The following WDR7 variants were observed in gnomAD, a reference collection of about 807,000 sequenced individuals.
The protein encoded by WDR7 is WD repeat-containing protein 7.
WDR7 carries 46 observed loss-of-function variants against 169.4 expected under a neutral mutation model. The observed-to-expected ratio is 0.27, with a 90% CI of 0.21 to 0.35. WDR7 has a LOEUF of 0.35. Among genes scored for constraint, WDR7 ranks in the 10% least tolerant of loss-of-function variants. WDR7 has a pLI of 1.00. For synonymous variants in WDR7, 612 were observed against 666.8 expected (o/e 0.92, Z 1.27); for missense variants, 1,534 against 1,859.3 (o/e 0.83, Z 3.22).
intron 13 of WDR7, among the ~76,000 whole-genome samples, chr18:56,727,975 C>T (rs2026497413): frequency 1.3e-5 from 2 of 152,112 alleles, no homozygotes; most frequent in Admixed American, 1.3e-4. Flanking sequence ...TAAAATAATT[C>T]CTTAGTTCTT....
At position 56,694,977 on chromosome 18, in the gene WDR7, T is replaced by G; in HGVS notation, c.1136T>G (p.Leu379Trp). 6.2e-7 allele frequency: 1 copy of G among 1,614,170 alleles called. No homozygotes were observed. Among genetic ancestry groups the G allele is most frequent in the Non-Finnish European group, 8.5e-7 (1 of 1,179,984 alleles). Residue 379 changes from leucine to tryptophan, a missense_variant, in exon 11 of 28, where the codon TTG becomes TGG. By Grantham distance (61) the Leu-to-Trp change is moderately conservative (BLOSUM62 -2). Coordinates refer to ENST00000254442, the MANE Select transcript of WDR7 (RefSeq NM_015285.3). ...CTGGCAATGACAACTTCTATTAGTT[T>G]GCAAGAGGCATTTGATAAACTGAAT... ...EGLAMTTSISLQEAFDKLNPC... is the reference protein window; with the variant it reads ...EGLAMTTSISWQEAFDKLNPC...
chr18:56,984,844 T>A (rs1261200027), intron 26 of WDR7, among the ~76,000 whole-genome samples: 1 of 152,146 alleles, frequency 6.6e-6, no homozygotes, highest in Non-Finnish European at 1.5e-5. Context: ...ACAGCAGCCA[T>A]AGCGTACTGT....
intron 25 of WDR7, among the ~76,000 whole-genome samples, chr18:56,949,872 A>G (rs1448072074): frequency 6.6e-6 from 1 of 152,192 alleles, no homozygotes; most frequent in Non-Finnish European, 1.5e-5. Flanking sequence ...ACATTTGCTA[A>G]TATTACTGCT....
chr18:56,849,604 A>G (rs1285901827), intron 20 of WDR7, among the ~76,000 whole-genome samples: 1 of 152,178 alleles, frequency 6.6e-6, no homozygotes, highest in East Asian at 1.9e-4. Context: ...CCTAGTTGAC[A>G]TCACTTTGAT....
At chr18:57,032,240 CTTAATGAGTTT>C (rs1355590520), downstream of WDR7, 2 of 144,606 alleles carry the variant, frequency 1.4e-5, no homozygotes, top group African/African-American at 5.8e-5. Context: ...CTTTGAGTTT[CTTAATGAGTTT>C]CTTCCAAATA....
chr18:56,743,009 A>G (rs1323241860), intron 14 of WDR7, among the ~76,000 whole-genome samples: 1 of 152,220 alleles, frequency 6.6e-6, no homozygotes, highest in Non-Finnish European at 1.5e-5. Flanking sequence ...TATGTAAAAC[A>G]GATAATAGGT....
intron 7 of WDR7, among the ~76,000 whole-genome samples, chr18:56,687,417 T>G (rs949807544): frequency 1.1e-4 from 17 of 152,218 alleles, no homozygotes; most frequent in Non-Finnish European, 2.9e-5. Flanking sequence ...ATTGCCAGAC[T>G]TTAATATTTC....
At chr18:57,015,814 G>T (rs1418132439) in intron 26 of WDR7, among the ~76,000 whole-genome samples, 2 of 152,212 alleles carry the variant, frequency 1.3e-5, no homozygotes, top group Non-Finnish European at 2.9e-5. Context: ...GTGGGTATTT[G>T]CAGGTCTTTG....
chr18:56,900,162 T>C (rs1038351295), intron 21 of WDR7, among the ~76,000 whole-genome samples: 1 of 151,178 alleles, frequency 6.6e-6, no homozygotes, highest in East Asian at 1.9e-4. Context: ...TTCACTGTTA[T>C]CAGAAATTTT....
intron 2 of WDR7, among the ~76,000 whole-genome samples, chr18:56,677,426 T>C (rs1169964536): frequency 6.6e-6 from 1 of 152,188 alleles, no homozygotes; most frequent in Admixed American, 6.5e-5. Context: ...CTCAACTTCC[T>C]GCAACCTCTG....
intron 21 of WDR7, among the ~76,000 whole-genome samples, chr18:56,900,076 GTGTGTGTATATA>G (rs1447560114): frequency 3.6e-4 from 19 of 52,166 alleles, no homozygotes; most frequent in African/African-American, 9.5e-4. Context: ...GTGTGTGTGT[GTGTGTGTATATA>G]TATATATATA....
chr18:56,682,666 G>T lies in WDR7; in HGVS notation c.346-13G>T, dbSNP rs1388987911. 2.5e-6 allele frequency: 4 copies of T among 1,597,190 alleles called. No individual in the cohort carries two copies. The South Asian group carries it at 3.4e-5, about 14-fold the overall frequency. ...ACACTCAGAAATCTTTTTTCCTTTT[G>T]GCATGAATGTAGTTCTACCAGTTCT... On this transcript the variant is annotated splice_polypyrimidine_tract_variant and intron_variant, in intron 4 of 27. Coordinates refer to ENST00000254442, the MANE Select transcript of WDR7 (RefSeq NM_015285.3).
At chr18:56,743,802 G>A (rs1040860852) in intron 14 of WDR7, among the ~76,000 whole-genome samples, 4 of 152,212 alleles carry the variant, frequency 2.6e-5, no homozygotes, top group African/African-American at 9.6e-5. Context: ...CAAGTAGTGA[G>A]AGGAACGTTC....
chr18:56,678,039 G>A (rs751935800), intron 2 of WDR7, among the ~76,000 whole-genome samples: 14 of 151,882 alleles, frequency 9.2e-5, no homozygotes, highest in East Asian at 1.9e-4. Flanking sequence ...GATCATTTCC[G>A]CTATTAAAAG....
At chr18:56,933,586 C>G (rs1444035483) in intron 22 of WDR7, among the ~76,000 whole-genome samples, 6 of 152,180 alleles carry the variant, frequency 3.9e-5, no homozygotes. Flanking sequence ...AATCTTCTCT[C>G]AAAGATGCAA....
At chr18:56,693,060 G>A (rs1481905711) in intron 9 of WDR7, among the ~76,000 whole-genome samples, 24 of 152,092 alleles carry the variant, frequency 1.6e-4, no homozygotes, top group Admixed American at 1.5e-3. Context: ...GCGAGACCCT[G>A]TCTCAAAAGC....
At chr18:56,856,898 T>C (rs1038130760) in intron 20 of WDR7, among the ~76,000 whole-genome samples, 2 of 152,148 alleles carry the variant, frequency 1.3e-5, no homozygotes, top group Non-Finnish European at 2.9e-5. Flanking sequence ...TTCTCCCTTA[T>C]ATGATTATAT....
At chr18:57,000,510 A>G (rs1349800281) in intron 26 of WDR7, among the ~76,000 whole-genome samples, 2 of 152,138 alleles carry the variant, frequency 1.3e-5, no homozygotes, top group African/African-American at 4.8e-5. Context: ...CTAATGGGCC[A>G]TAATCATTTT....
At chr18:56,841,726 A>G (rs149251893) in intron 20 of WDR7, among the ~76,000 whole-genome samples, 12 of 152,294 alleles carry the variant, frequency 7.9e-5, no homozygotes, top group Non-Finnish European at 1.6e-4. Flanking sequence ...AGCAAGAGTC[A>G]TTTGAGGTAC....
Sources: gnomAD v4.1 joint callset for allele counts (sites outside exome capture counted in the v4.1 genomes callset) on GRCh38, gnomAD v4.1.1 for gene constraint, MANE v1.5 for transcripts, NCBI Gene and HGNC (gene_info 2026-07-23, HGNC 2026-07-21) for gene names.